Variants in TMEFF1 observed in about 807,000 individuals in gnomAD.
TMEFF1 encodes transmembrane protein with EGF like and two follistatin like domains 1, also known as tomoregulin-1.
TMEFF1 carries 20 observed loss-of-function variants against 47.5 expected under a neutral mutation model. The ratio of observed to expected loss-of-function variants is 0.42; its 90% CI spans 0.30 to 0.61. TMEFF1 has a LOEUF of 0.61. Ranked by LOEUF, TMEFF1 falls within the 20% of genes least tolerant of loss-of-function variation. The pLI, the probability that TMEFF1 is intolerant of heterozygous loss-of-function variation, is 0.19. For synonymous variants in TMEFF1, 162 were observed against 166.3 expected (o/e 0.97, Z 0.20); for missense variants, 411 against 471.1 (o/e 0.87, Z 1.18).
rs1308759143 is a variant in TMEFF1 at position 100,531,514 on chromosome 9, G to A, written c.560+14743G>A. On this transcript the variant is annotated intron_variant, in intron 5 of 9. Transcript: ENST00000374879. ...TGCTTCAAAGAGAATAAAATACCTA[G>A]GAATCCAACTTACAAGGGATGTGAA... Among the ~76,000 whole-genome samples the A allele has an allele frequency of 6.6e-5, 10 of 152,036 alleles. No individual in the cohort carries two copies. The South Asian group carries it at 2.1e-3, about 32-fold the overall frequency.
At chr9:100,572,116 T>G (rs1839251034) in intron 8 of TMEFF1, among the ~76,000 whole-genome samples, 1 of 152,118 alleles carries the variant, frequency 6.6e-6, no homozygotes, top group Non-Finnish European at 1.5e-5. Flanking sequence ...GGATCCCTGT[T>G]GTACATGATA....
chr9:100,497,334 T>TTTTTTTTTTTG, intron 1 of TMEFF1, among the ~76,000 whole-genome samples: 1 of 148,902 alleles, frequency 6.7e-6, no homozygotes, highest in Non-Finnish European at 1.5e-5. Flanking sequence ...TTTTTTTTTT[T>TTTTTTTTTTTG]TTTTTTTTTT....
chr9:100,499,531 A>G (rs1003004008), intron 2 of TMEFF1, among the ~76,000 whole-genome samples: 2 of 152,230 alleles, frequency 1.3e-5, no homozygotes, highest in African/African-American at 4.8e-5. Context: ...TATGAGGCGA[A>G]AAAGGAACTA....
chr9:100,495,106 C>G (rs955052171), intron 1 of TMEFF1, among the ~76,000 whole-genome samples: 6 of 151,920 alleles, frequency 3.9e-5, no homozygotes, highest in Admixed American at 1.3e-4. Context: ...TGAAGGCACA[C>G]CCTAGTCCAG....
chr9:100,488,488 CAT>C (rs1435279925), intron 1 of TMEFF1, among the ~76,000 whole-genome samples: 1 of 152,146 alleles, frequency 6.6e-6, no homozygotes, highest in African/African-American at 2.4e-5. Flanking sequence ...CATATGGACA[CAT>C]GAGAGGTTGT....
intron 8 of TMEFF1, among the ~76,000 whole-genome samples, chr9:100,566,594 TC>T (rs1839129901): frequency 6.6e-6 from 1 of 152,220 alleles, no homozygotes; most frequent in South Asian, 2.1e-4. Flanking sequence ...CCAGTGCTGT[TC>T]CTAGTGCAGG....
chr9:100,490,170 G>A (rs988905102), intron 1 of TMEFF1, among the ~76,000 whole-genome samples: 5 of 152,144 alleles, frequency 3.3e-5, no homozygotes, highest in African/African-American at 1.2e-4. Flanking sequence ...AATTTCTTTC[G>A]TTAAGTATAG....
intron 1 of TMEFF1, among the ~76,000 whole-genome samples, chr9:100,476,153 T>C (rs900113182): frequency 6.6e-6 from 1 of 152,194 alleles, no homozygotes; most frequent in Admixed American, 6.5e-5. Context: ...AAGATATACT[T>C]GAATAACTGG....
chr9:100,482,005 C>G (rs1459575341), intron 1 of TMEFF1, among the ~76,000 whole-genome samples: 3 of 151,970 alleles, frequency 2.0e-5, no homozygotes. Flanking sequence ...TGGTCTCGGT[C>G]TCCTTGTGAT....
chr9:100,482,068 C>G (rs1837347750), intron 1 of TMEFF1, among the ~76,000 whole-genome samples: 1 of 151,916 alleles, frequency 6.6e-6, no homozygotes, highest in African/African-American at 2.4e-5. Context: ...AGCCACTGCG[C>G]CCAGCCTAGC....
intron 3 of TMEFF1, 148 bp from the exon 4 acceptor site, chr9:100,513,159 G>A: frequency 1.8e-6 from 2 of 1,082,300 alleles, no homozygotes; most frequent in Non-Finnish European, 2.6e-6. Flanking sequence ...AAATAAGTAT[G>A]TAAGAATAAA....
chr9:100,520,535 G>A (rs1266883800), intron 5 of TMEFF1, among the ~76,000 whole-genome samples: 1 of 152,124 alleles, frequency 6.6e-6, no homozygotes, highest in Non-Finnish European at 1.5e-5. Flanking sequence ...TTAATTTTCT[G>A]CTATTAAGAG....
intron 1 of TMEFF1, among the ~76,000 whole-genome samples, chr9:100,476,845 C>T (rs551122422): frequency 1.3e-5 from 2 of 151,996 alleles, no homozygotes; most frequent in East Asian, 3.9e-4. Flanking sequence ...TACAGGCACC[C>T]GCCACCATGC....
rs367959995 is a variant in TMEFF1 at position 100,482,203 on chromosome 9, TC to T, written c.196+8464del. Among the ~76,000 whole-genome samples the T allele has an allele frequency of 4.6e-4, 69 of 150,856 alleles. 2 individuals are homozygous for T. Among genetic ancestry groups the T allele is most frequent in the Admixed American group, 1.5e-3 (22 of 15,138 alleles). ...TTTTCTTTTCTTTCTTTCTTTCTTTTCTTTTTTTTTTGGAGACAGTATCTTG... is the reference window on the plus strand; with the variant it reads ...TTTTCTTTTCTTTCTTTCTTTCTTTTTTTTTTTTTTGGAGACAGTATCTTG... On this transcript the variant is annotated intron_variant, in intron 1 of 9. Transcript: ENST00000374879.
intron 2 of TMEFF1, among the ~76,000 whole-genome samples, chr9:100,501,453 G>A (rs1313276146): frequency 6.6e-6 from 1 of 151,700 alleles, no homozygotes. Flanking sequence ...TTCATATTCT[G>A]TGTCTAGTTT....
At chr9:100,513,379 C>A in intron 4 of TMEFF1, 46 bp downstream of exon 4, 21 of 1,451,222 alleles carry the variant, frequency 1.4e-5, no homozygotes, top group Non-Finnish European at 1.8e-5. Flanking sequence ...TTCTTTCTTT[C>A]TTTCTTTCTT....
intron 1 of TMEFF1, among the ~76,000 whole-genome samples, chr9:100,497,320 CTTTTTTTTTTTTTTTT>C (rs752427622): frequency 1.7e-5 from 1 of 59,526 alleles, no homozygotes; most frequent in East Asian, 5.5e-4. Context: ...CCACTCATGT[CTTTTTTTTTTTTTTTT>C]TTTTTTTTGG....
At chr9:100,475,625 C>A (rs976534783) in intron 1 of TMEFF1, among the ~76,000 whole-genome samples, 6 of 151,916 alleles carry the variant, frequency 3.9e-5, no homozygotes, top group African/African-American at 1.5e-4. Context: ...TGTGTACTTT[C>A]TAACTTGCAT....
At chr9:100,490,751 G>A (rs1330193466) in intron 1 of TMEFF1, among the ~76,000 whole-genome samples, 11 of 151,590 alleles carry the variant, frequency 7.3e-5, no homozygotes, top group Non-Finnish European at 1.6e-4. Context: ...ACTTGAAAAG[G>A]GGAGAAATCA....
Sources: allele counts gnomAD v4.1 joint callset (sites outside exome capture counted in the v4.1 genomes callset), GRCh38; gene constraint gnomAD v4.1.1; transcripts MANE v1.5; gene names NCBI Gene and HGNC (gene_info 2026-07-23, HGNC 2026-07-21).